Variants in ATG12 observed in about 807,000 individuals in gnomAD.
ATG12 encodes autophagy related 12.
Under a neutral mutation model 17.6 loss-of-function variants are expected in ATG12, and 19 were observed. That is an observed-to-expected ratio of 1.08 (90% CI 0.75 to 1.58). ATG12 has a LOEUF of 1.58. Ranked by LOEUF, ATG12 falls within the 40% of genes most tolerant of loss-of-function variation. The probability of loss-of-function intolerance (pLI) is 0.00; values close to 1 mark genes in which losing one functional copy is unlikely to be tolerated. For missense variants in ATG12, 214 were observed against 162.0 expected (o/e 1.32, Z -1.74); for synonymous variants, 75 against 62.4 (o/e 1.20, Z -0.95).
chr5:115,837,193 T>C (rs890804293), intron 2 of ATG12, among the ~76,000 whole-genome samples: 1 of 152,140 alleles, frequency 6.6e-6, no homozygotes, highest in Non-Finnish European at 1.5e-5. Context: ...ATCTAAAACA[T>C]TTCATTTCAG....
chr5:115,840,245 A>T (rs1761311791), intron 1 of ATG12, among the ~76,000 whole-genome samples: 1 of 152,050 alleles, frequency 6.6e-6, no homozygotes, highest in South Asian at 2.1e-4. Context: ...CTTGGGAGAG[A>T]ATTATCCTCC....
At chr5:115,840,219 T>G (rs26535) in intron 1 of ATG12, among the ~76,000 whole-genome samples, 73,037 of 151,648 alleles carry the variant, frequency 0.48, 18,562 homozygotes, top group African/African-American at 0.64. Context: ...TGATTTAAAG[T>G]GGGAAGGGGG....
intron 1 of ATG12, among the ~76,000 whole-genome samples, chr5:115,840,171 T>C (rs539778887): frequency 6.6e-6 from 1 of 152,204 alleles, no homozygotes; most frequent in Non-Finnish European, 1.5e-5. Flanking sequence ...TGGCTATCCA[T>C]GGAAATACTT....
At chr5:115,831,906 A>G (rs376201107) in intron 3 of ATG12, 43 bp from the exon 4 acceptor site, 1 of 1,553,008 alleles carries the variant, frequency 6.4e-7, no homozygotes, top group African/African-American at 1.4e-5. Context: ...ATCTTTTATT[A>G]TTCTTAGATG....
Position 115,841,543 on chromosome 5 carries a change from C to T in ATG12, c.10G>A (p.Glu4Lys), listed in dbSNP as rs184659947. The T allele has an allele frequency of 2.5e-6, 4 of 1,613,734 alleles. No homozygotes were observed. The Admixed American group carries it at 6.7e-5, about 27-fold the overall frequency. ...GGAAGCTGCAACACAGACTGCGGCT[C>T]CTCCGCCATCTTGCTTGGAGACACT... MAE[E>K]PQSVLQLPTS... The change falls in exon 1 of 4, where the codon GAG (glutamate) becomes AAG (lysine). Residue 4 changes from glutamate (E) to lysine (K), a missense_variant. Glu to Lys is a moderately conservative substitution (Grantham distance 56). Coordinates refer to ENST00000509910, the MANE Select transcript of ATG12 (RefSeq NM_004707.4).
chr5:115,841,056 G>C (rs919698938), intron 1 of ATG12: 1 of 455,420 alleles, frequency 2.2e-6, no homozygotes, highest in Non-Finnish European at 3.9e-6. Context: ...CCTGTGTTAA[G>C]TACCTGGAAT....
In ATG12 at chr5:115,831,785, A is replaced by G; in HGVS notation, c.*19T>C. 3 of 1,610,194 alleles carry G rather than the reference A, an allele frequency of 1.9e-6. No individual in the cohort carries two copies. Among genetic ancestry groups the G allele is most frequent in the Non-Finnish European group, 2.5e-6 (3 of 1,178,356 alleles). The stretch of plus-strand genomic sequence containing the variant: ...TGAAAATCCATTTCATGTAGTAGCA[A>G]GTTGATTTTCTTTGTGGTTCATCCC... On this transcript the variant is annotated 3_prime_UTR_variant, in exon 4 of 4. Coordinates refer to ENST00000509910, the MANE Select transcript of ATG12 (RefSeq NM_004707.4).
At chr5:115,841,088 GC>G in intron 1 of ATG12, 4 of 133,308 alleles carry the variant, frequency 3.0e-5, no homozygotes, top group South Asian at 1.9e-4. Flanking sequence ...CCCTCCCCCC[GC>G]CCCACTCAGC....
chr5:115,841,369 C>A, intron 1 of ATG12, 21 bp downstream of exon 1: 1 of 1,610,048 alleles, frequency 6.2e-7, no homozygotes, highest in South Asian at 1.1e-5. Context: ...CGCCTCTCTG[C>A]CCGGAAATAA....
At position 115,830,956 on chromosome 5, in the gene ATG12, G is replaced by A. The variant is rs992661409; in HGVS notation, c.*848C>T. ...GTCATGGCATAAAATATACAATAAGGCTATTTTTCAATTATTGTTTTCAAG... is the reference window on the plus strand; with the variant it reads ...GTCATGGCATAAAATATACAATAAGACTATTTTTCAATTATTGTTTTCAAG... On this transcript the variant is annotated 3_prime_UTR_variant, in exon 4 of 4. Transcript: ENST00000509910. 1 of 152,160 alleles carries A rather than the reference G, an allele frequency of 6.6e-6. No homozygotes were observed. Among genetic ancestry groups the A allele is most frequent in the African/African-American group, 2.4e-5 (1 of 41,506 alleles). 9.4% of individuals were successfully genotyped at this position (152,160 alleles called of 1,614,324 possible). A position where few individuals can be genotyped will look rare whatever the true frequency, so the allele number is the denominator to read the frequency against.
chr5:115,838,757 C>G (rs1163060928), intron 1 of ATG12: 1 of 152,226 alleles, frequency 6.6e-6, no homozygotes, highest in African/African-American at 2.4e-5. Flanking sequence ...CCCTATGAAT[C>G]TGTCTCTCAG....
rs1760802216 is a variant in ATG12 at position 115,830,074 on chromosome 5, G to C, written c.*1730C>G. The C allele has an allele frequency of 6.9e-6, 1 of 145,800 alleles. No individual in the cohort carries two copies. Among genetic ancestry groups the C allele is most frequent in the African/African-American group, 2.6e-5 (1 of 39,102 alleles). 9.0% of individuals were successfully genotyped at this position (145,800 alleles called of 1,614,324 possible). On this transcript the variant is annotated 3_prime_UTR_variant, in exon 4 of 4. Transcript: ENST00000509910. ...AGAGGTTGCAATGAGCCAAGATTGT[G>C]CCATTACAGTCCAGCCTGGGCAACA... is the stretch of plus-strand genomic sequence containing the variant.
chr5:115,835,613 T>C (rs1303037005), intron 2 of ATG12, among the ~76,000 whole-genome samples: 1 of 148,826 alleles, frequency 6.7e-6, no homozygotes, highest in Non-Finnish European at 1.5e-5. Flanking sequence ...TTGAGATTGT[T>C]TGAGCCCTTC....
intron 1 of ATG12, among the ~76,000 whole-genome samples, chr5:115,840,177 T>C (rs540865766): frequency 6.6e-6 from 1 of 152,162 alleles, no homozygotes; most frequent in Non-Finnish European, 1.5e-5. Flanking sequence ...TCCATGGAAA[T>C]ACTTATAGTG....
chr5:115,841,032 T>A, intron 1 of ATG12: 1 of 506,810 alleles, frequency 2.0e-6, no homozygotes, highest in Admixed American at 3.1e-5. Context: ...AAAACATTAC[T>A]CAAATAATTA....
In ATG12 at chr5:115,841,490, T is replaced by C. The variant is rs777293681; in HGVS notation, c.63A>G (p.Gly21=). The change falls in exon 1 of 4, where the codon GGA becomes GGG. Residue 21 remains glycine (G), a synonymous_variant. Coordinates refer to ENST00000509910, the MANE Select transcript of ATG12 (RefSeq NM_004707.4). The part of the protein sequence containing the change: ...LPTSIAAGGE[G]LTDVSPETTT... Reference sequence around the variant, plus strand: ...TTGTTTCTGGGGAGACATCCGTAAGTCCTTCCCCTCCAGCAGCAATTGAAG... The same window carrying C: ...TTGTTTCTGGGGAGACATCCGTAAGCCCTTCCCCTCCAGCAGCAATTGAAG... The C allele has an allele frequency of 2.5e-6, 4 of 1,612,116 alleles. No individual in the cohort carries two copies. The East Asian group carries it at 6.7e-5, about 27-fold the overall frequency.
intron 1 of ATG12, chr5:115,839,256 G>A (rs979751727): frequency 6.6e-6 from 1 of 151,908 alleles, no homozygotes; most frequent in South Asian, 2.1e-4. Flanking sequence ...TAAATATTGG[G>A]GCCAAAAGAT....
intron 1 of ATG12, chr5:115,838,803 A>C (rs1561454190): frequency 6.6e-6 from 1 of 152,232 alleles, no homozygotes; most frequent in Non-Finnish European, 1.5e-5. Context: ...ACAAACATAC[A>C]TCTGGCTGGG....
At chr5:115,837,981 C>A (rs26532) in intron 1 of ATG12, 327,305 of 411,496 alleles carry the variant, frequency 0.8, 131,291 homozygotes, top group African/African-American at 0.96. Context: ...TTTAAAATGC[C>A]TTTTATCTTA....
Sources: gnomAD v4.1 joint callset for allele counts (sites outside exome capture counted in the v4.1 genomes callset) on GRCh38, gnomAD v4.1.1 for gene constraint, MANE v1.5 for transcripts, NCBI Gene and HGNC (gene_info 2026-07-23, HGNC 2026-07-21) for gene names.